Variants in ANKRD44 observed in about 807,000 individuals in gnomAD.
ANKRD44 encodes serine/threonine-protein phosphatase 6 regulatory ankyrin repeat subunit B.
Under a neutral mutation model 116.0 loss-of-function variants are expected in ANKRD44, and 35 were observed. The observed-to-expected ratio is 0.30, with a 90% CI of 0.23 to 0.40. ANKRD44 has a LOEUF of 0.40. Ranked by LOEUF, ANKRD44 falls within the 10% of genes least tolerant of loss-of-function variation. The probability of loss-of-function intolerance (pLI) is 1.00; values close to 1 mark genes in which losing one functional copy is unlikely to be tolerated. For synonymous variants in ANKRD44, 435 were observed against 461.8 expected, an observed-to-expected ratio of 0.94 and a Z score of 0.74; for missense variants, 1,014 against 1,242.6, an observed-to-expected ratio of 0.82 and a Z score of 2.77.
chr2:197,269,624 G>C (rs1024197383), intron 1 of ANKRD44, among the ~76,000 whole-genome samples: 4 of 152,190 alleles, frequency 2.6e-5, no homozygotes, highest in African/African-American at 9.7e-5. Context: ...GCAGAGCTGA[G>C]GGGCTCTTGG....
intron 2 of ANKRD44, chr2:197,148,032 C>A: frequency 3.5e-6 from 1 of 286,126 alleles, no homozygotes; most frequent in Non-Finnish European, 7.2e-6. Flanking sequence ...TGCTGAAAGG[C>A]AGCATGGTAA....
chr2:197,147,308 T>C (rs991831475), intron 2 of ANKRD44, among the ~76,000 whole-genome samples: 2 of 152,126 alleles, frequency 1.3e-5, no homozygotes, highest in Admixed American at 1.3e-4. Flanking sequence ...ATTTTCTGTG[T>C]CTGTGCTTGG....
chr2:197,138,387 A>G (rs1356260290), intron 3 of ANKRD44, among the ~76,000 whole-genome samples: 1 of 152,248 alleles, frequency 6.6e-6, no homozygotes, highest in Non-Finnish European at 1.5e-5. Context: ...TTTAAGAGCA[A>G]GAGAGACTCA....
downstream of ANKRD44, among the ~76,000 whole-genome samples, chr2:196,982,108 T>TTATA (rs58816698): frequency 1.2e-3 from 114 of 96,548 alleles, 1 homozygote; most frequent in African/African-American, 3.9e-3. Context: ...CTAAAAAAAA[T>TTATA]TATATATATA....
chr2:197,185,901 A>G (rs1280518372), intron 2 of ANKRD44, among the ~76,000 whole-genome samples: 2 of 152,212 alleles, frequency 1.3e-5, no homozygotes, highest in Admixed American at 1.3e-4. Flanking sequence ...AAAAACAGAT[A>G]GTAAATATCT....
At chr2:196,982,198 G>C (rs2075806874), downstream of ANKRD44, among the ~76,000 whole-genome samples, 1 of 147,628 alleles carries the variant, frequency 6.8e-6, no homozygotes, top group African/African-American at 2.5e-5. Flanking sequence ...CTTGCAATAA[G>C]GACATGCACA....
chr2:197,137,341 T>G (rs779468858), intron 3 of ANKRD44, among the ~76,000 whole-genome samples: 6 of 152,122 alleles, frequency 3.9e-5, no homozygotes, highest in Non-Finnish European at 8.8e-5. Context: ...AGGGAGCTCA[T>G]GAGGACAGAG....
chr2:196,997,621 G>C (rs537777992), intron 25 of ANKRD44, among the ~76,000 whole-genome samples: 76 of 151,808 alleles, frequency 5.0e-4, no homozygotes, highest in African/African-American at 1.7e-3. Context: ...GGGTAATTTT[G>C]TATTTTTAGT....
chr2:197,223,810 A>T lies in ANKRD44; in HGVS notation c.28-36704T>A, dbSNP rs549117097. ...TCTTCACTACATTTGTCACTTTCAG[A>T]TTTTAATGTTTGTAATTTGATGGCT... is the stretch of plus-strand genomic sequence containing the variant. On this transcript the variant is annotated intron_variant, in intron 1 of 27. Transcript: ENST00000282272. Among the ~76,000 whole-genome samples the T allele has an allele frequency of 2.4e-4, 37 of 152,298 alleles. No homozygotes were observed. In the South Asian group the frequency reaches 6.4e-3, roughly 26 times the overall value.
chr2:197,125,270 C>T, intron 6 of ANKRD44, 111 bp downstream of exon 6: 1 of 1,022,424 alleles, frequency 9.8e-7, no homozygotes, highest in South Asian at 1.4e-5. Flanking sequence ...CAATTGCAAC[C>T]CAAGCTTGAA....
At chr2:197,084,408 T>C (rs546956886) in intron 13 of ANKRD44, among the ~76,000 whole-genome samples, 1 of 152,354 alleles carries the variant, frequency 6.6e-6, no homozygotes, top group African/African-American at 2.4e-5. Context: ...TCTCTGGGTC[T>C]GTCTTGAGTT....
chr2:196,983,911 G>A (rs1213484411), downstream of ANKRD44, among the ~76,000 whole-genome samples: 2 of 152,128 alleles, frequency 1.3e-5, no homozygotes, highest in African/African-American at 2.4e-5. Context: ...ATATACATGT[G>A]TATGGCCACA....
At chr2:197,092,850 A>G (rs2078073180) in intron 10 of ANKRD44, among the ~76,000 whole-genome samples, 1 of 37,778 alleles carries the variant, frequency 2.6e-5, no homozygotes, top group African/African-American at 3.6e-5. Context: ...CAAGAGAAAC[A>G]TTCTTTTTTT....
intron 21 of ANKRD44, among the ~76,000 whole-genome samples, chr2:196,981,131 C>A (rs953479544): frequency 3.9e-5 from 6 of 152,196 alleles, no homozygotes; most frequent in African/African-American, 1.4e-4. Context: ...AGATCACCAA[C>A]TCTGGGGCTA....
intron 4 of ANKRD44, chr2:197,136,211 C>G: frequency 4.6e-6 from 1 of 218,620 alleles, no homozygotes; most frequent in Non-Finnish European, 9.3e-6. Flanking sequence ...AGTCCTTACT[C>G]AACCTTTAAG....
At chr2:197,227,086 T>A (rs888166747) in intron 1 of ANKRD44, among the ~76,000 whole-genome samples, 1 of 152,222 alleles carries the variant, frequency 6.6e-6, no homozygotes, top group East Asian at 1.9e-4. Context: ...GAAAACAGCA[T>A]CTTAATTCTC....
chr2:197,304,968 C>A (rs116068820), intron 1 of ANKRD44, among the ~76,000 whole-genome samples: 2 of 152,280 alleles, frequency 1.3e-5, no homozygotes, highest in Non-Finnish European at 2.9e-5. Flanking sequence ...CACTGTCAAG[C>A]CTGTGGTGAG....
At chr2:197,157,276 G>A (rs1284365968) in intron 2 of ANKRD44, among the ~76,000 whole-genome samples, 1 of 152,192 alleles carries the variant, frequency 6.6e-6, no homozygotes, top group Admixed American at 6.5e-5. Context: ...CCAATAGTGG[G>A]TTAATTTAGA....
At chr2:197,081,543 C>A in intron 15 of ANKRD44, 102 bp downstream of exon 15, 1 of 1,016,548 alleles carries the variant, frequency 9.8e-7, no homozygotes, top group South Asian at 1.3e-5. Flanking sequence ...CTCAAGATCC[C>A]AAGTGAAACC....
Sources: gnomAD v4.1 joint callset for allele counts (sites outside exome capture counted in the v4.1 genomes callset) on GRCh38, gnomAD v4.1.1 for gene constraint, MANE v1.5 for transcripts, NCBI Gene and HGNC (gene_info 2026-07-23, HGNC 2026-07-21) for gene names.